The following REDIC1 variants were observed in gnomAD, a reference collection of about 807,000 sequenced individuals.
The protein encoded by REDIC1 is HEI10 Interacting Protein 1.
the REDIC1 span, among the ~76,000 whole-genome samples, chr12:39,686,044 A>G: frequency 6.6e-6 from 1 of 152,214 alleles, no homozygotes; most frequent in African/African-American, 2.4e-5. Flanking sequence ...TGGTTTTGCA[A>G]GGTTCAGCCC....
At chr12:39,764,648 G>T in the REDIC1 span, 1 of 1,581,866 alleles carries the variant, frequency 6.3e-7, no homozygotes, top group Non-Finnish European at 8.6e-7. Flanking sequence ...TAGTAAAATA[G>T]CATGTAAGAA....
At chr12:39,795,159 A>T in the REDIC1 span, among the ~76,000 whole-genome samples, 1 of 151,750 alleles carries the variant, frequency 6.6e-6, no homozygotes, top group Non-Finnish European at 1.5e-5. Flanking sequence ...TAAACTTATT[A>T]TCCTAACGTC....
At chr12:39,901,153 T>C in the REDIC1 span, among the ~76,000 whole-genome samples, 145 of 152,298 alleles carry the variant, frequency 9.5e-4, no homozygotes, top group African/African-American at 3.5e-3. Context: ...AAGCTGAAAC[T>C]GGATCCCTTC....
chr12:39,689,902 G>C, the REDIC1 span, among the ~76,000 whole-genome samples: 1 of 152,212 alleles, frequency 6.6e-6, no homozygotes, highest in African/African-American at 2.4e-5. Flanking sequence ...AAAGCTGGCA[G>C]CTTGAATATA....
the REDIC1 span, among the ~76,000 whole-genome samples, chr12:39,762,221 A>T: frequency 6.6e-6 from 1 of 152,094 alleles, no homozygotes; most frequent in East Asian, 1.9e-4. Context: ...TGGTCAAATC[A>T]GTCACTATCT....
At chr12:39,765,951 C>T in the REDIC1 span, among the ~76,000 whole-genome samples, 167 of 152,176 alleles carry the variant, frequency 1.1e-3, 1 homozygote, top group Middle Eastern at 0.01. Context: ...TTGTTCAGCT[C>T]CCAATTATAT....
At chr12:39,862,399 T>C in the REDIC1 span, among the ~76,000 whole-genome samples, 2 of 152,214 alleles carry the variant, frequency 1.3e-5, no homozygotes, top group Non-Finnish European at 2.9e-5. Flanking sequence ...CTGTGGTCTA[T>C]AGATTTCTAC....
chr12:39,702,130 A>G, the REDIC1 span, among the ~76,000 whole-genome samples: 1 of 152,234 alleles, frequency 6.6e-6, no homozygotes, highest in East Asian at 1.9e-4. Context: ...AAAACCCTTC[A>G]AAAAATTAAT....
the REDIC1 span, among the ~76,000 whole-genome samples, chr12:39,849,618 C>G: frequency 5.3e-5 from 8 of 152,088 alleles, no homozygotes; most frequent in Non-Finnish European, 4.4e-5. Context: ...AGTTAAGCTT[C>G]TTTGTTTAGT....
At chr12:39,758,448 G>A in the REDIC1 span, 1 of 151,788 alleles carries the variant, frequency 6.6e-6, no homozygotes, top group Admixed American at 6.6e-5. Context: ...CTTATTAGAT[G>A]TTTAGAGCCA....
chr12:39,814,977 C>CT, the REDIC1 span, among the ~76,000 whole-genome samples: 2,032 of 146,348 alleles, frequency 0.014, 20 homozygotes, highest in Non-Finnish European at 0.019. Context: ...TCTTCTTACA[C>CT]TTTTTTTTTT....
chr12:39,712,899 G>A, the REDIC1 span, among the ~76,000 whole-genome samples: 2 of 144,648 alleles, frequency 1.4e-5, no homozygotes, highest in Admixed American at 6.9e-5. Flanking sequence ...ATGCATATAC[G>A]TGTATATACG....
chr12:39,790,346 A>G, the REDIC1 span, among the ~76,000 whole-genome samples: 11 of 148,280 alleles, frequency 7.4e-5, no homozygotes, highest in Admixed American at 6.7e-4. Flanking sequence ...CATTAGGTAT[A>G]TCTCCCAATG....
At chr12:39,834,823 C>T in the REDIC1 span, among the ~76,000 whole-genome samples, 1 of 152,008 alleles carries the variant, frequency 6.6e-6, no homozygotes, top group Non-Finnish European at 1.5e-5. Context: ...CCAAATATTA[C>T]AAGATTCCCA....
the REDIC1 span, among the ~76,000 whole-genome samples, chr12:39,752,156 G>A: frequency 5.2e-4 from 79 of 152,276 alleles, no homozygotes; most frequent in African/African-American, 1.9e-3. Context: ...ATCTTCTAGC[G>A]TGGAATCCTC....
chr12:39,636,391 T>C, the REDIC1 span, among the ~76,000 whole-genome samples: 2 of 152,144 alleles, frequency 1.3e-5, no homozygotes, highest in Non-Finnish European at 2.9e-5. Context: ...TTAAAAGCCA[T>C]AACATTCTAA....
the REDIC1 span, among the ~76,000 whole-genome samples, chr12:39,719,447 A>G: frequency 1.8e-4 from 28 of 152,090 alleles, no homozygotes; most frequent in Non-Finnish European, 2.8e-4. Context: ...ACAACATGGC[A>G]AAAACAAATA....
chr12:39,741,386 G>A, the REDIC1 span, among the ~76,000 whole-genome samples: 1 of 152,270 alleles, frequency 6.6e-6, no homozygotes, highest in South Asian at 2.1e-4. Flanking sequence ...GCATCATCTT[G>A]TTGGAAAATA....
the REDIC1 span, among the ~76,000 whole-genome samples, chr12:39,794,068 C>A: frequency 7.4e-6 from 1 of 135,618 alleles, no homozygotes; most frequent in South Asian, 2.4e-4. Context: ...CTAAATTACT[C>A]TTTTGAGCTA....
Sources: gnomAD v4.1 joint callset for allele counts (sites outside exome capture counted in the v4.1 genomes callset) on GRCh38, gnomAD v4.1.1 for gene constraint, MANE v1.5 for transcripts, NCBI Gene and HGNC (gene_info 2026-07-23, HGNC 2026-07-21) for gene names.